FANCI: variants seen among roughly 807,000 people sequenced by gnomAD.
The protein encoded by FANCI is FA complementation group I, also known as Fanconi anemia group I protein.
A neutral mutation model predicts 176.1 loss-of-function variants in FANCI; 156 were observed. The ratio of observed to expected loss-of-function variants is 0.89; its 90% CI spans 0.78 to 1.01. FANCI has a LOEUF of 1.01. Among genes scored for constraint, FANCI ranks in the 50% least tolerant of loss-of-function variants. FANCI has a pLI of 0.00. For missense variants in FANCI, 1,678 were observed against 1,534.1 expected (o/e 1.09, Z -1.57); for synonymous variants, 613 against 541.7 (o/e 1.13, Z -1.83).
chr15:89,300,329 G>C lies in FANCI; in HGVS notation c.2833G>C (p.Glu945Gln), dbSNP rs142322239. ...DVTDKEGEER[E>Q]DADVSVTQRT... ...CACAGATAAGGAAGGAGAAGAGAGAGAAGATGCAGATGTCAGTGTCACTCA... is the reference window on the plus strand; with the variant it reads ...CACAGATAAGGAAGGAGAAGAGAGACAAGATGCAGATGTCAGTGTCACTCA... The change falls in exon 26 of 38, where the codon GAA becomes CAA. Residue 945 changes from glutamate to glutamine, a missense_variant. Around this residue, in one of 3 missense-constraint regions of FANCI, gnomAD observed 1,204 missense variants for 1,077.4 expected, o/e 1.12. Transcript: ENST00000310775. 115 of 1,613,994 alleles carry C rather than the reference G, an allele frequency of 7.1e-5. No homozygotes were observed. Among genetic ancestry groups the C allele is most frequent in the Non-Finnish European group, 8.8e-5 (104 of 1,179,898 alleles).
At chr15:89,304,719 A>C (rs1352704536) in intron 28 of FANCI, among the ~76,000 whole-genome samples, 1 of 149,408 alleles carries the variant, frequency 6.7e-6, no homozygotes, top group Non-Finnish European at 1.5e-5. Flanking sequence ...CTGGTTAGGC[A>C]CTCCACCCCA....
rs79223348 is a variant in FANCI at position 89,303,799 on chromosome 15, G to A, written c.3007-65G>A. On this transcript the variant is annotated intron_variant, in intron 27 of 37. Coordinates refer to ENST00000310775, the MANE Select transcript of FANCI (RefSeq NM_001113378.2). ...ATATGGAAAGGTCTAGAACTCTTCTGTTCTGACAACACCTAGGTCTATCTC... is the reference window on the plus strand; with the variant it reads ...ATATGGAAAGGTCTAGAACTCTTCTATTCTGACAACACCTAGGTCTATCTC... 6,745 of 1,440,086 alleles carry A rather than the reference G, an allele frequency of 4.7e-3. 226 individuals are homozygous for A. The African/African-American group carries it at 0.072, about 15-fold the overall frequency. The allele number at this position is 1,440,086 out of a possible 1,614,324, so 89.2% of individuals were successfully genotyped here.
intron 18 of FANCI, among the ~76,000 whole-genome samples, chr15:89,289,485 AG>A (rs2053973422): frequency 6.6e-6 from 1 of 151,430 alleles, no homozygotes; most frequent in Non-Finnish European, 1.5e-5. Flanking sequence ...TTATATTTTT[AG>A]TAGAGATGGG....
chr15:89,268,393 T>C lies in FANCI; in HGVS notation c.756-6T>C, dbSNP rs769927244. ...ATAGCTCATAACTTTCTGTTGAATC[T>C]TTTAGGCTATTGGATGTTGTCACTG... On this transcript the variant is annotated splice_region_variant and splice_polypyrimidine_tract_variant and intron_variant, in intron 9 of 37. Transcript: ENST00000310775. 4 of 1,614,084 alleles carry C rather than the reference T, an allele frequency of 2.5e-6. No individual in the cohort carries two copies. In the Admixed American group the frequency reaches 6.7e-5, roughly 27 times the overall value.
chr15:89,245,753 A>C (rs146256244), intron 1 of FANCI: 1 of 152,342 alleles, frequency 6.6e-6, no homozygotes, highest in Non-Finnish European at 1.5e-5. Context: ...ATCCTTACTT[A>C]AGGGTTTTGG....
At position 89,276,716 on chromosome 15, in the gene FANCI, A is replaced by G. The variant is rs1299992454; in HGVS notation, c.1118A>G (p.His373Arg). Reference sequence around the variant, plus strand: ...TAAGCTTTGTGTTCTTGTAGCGTTCATAGCTGGGACCATGTTACTCAGGGC... The same window carrying G: ...TAAGCTTTGTGTTCTTGTAGCGTTCGTAGCTGGGACCATGTTACTCAGGGC... Reference protein sequence around the residue: ...MILEVVKNSVHSWDHVTQGLV... With the variant: ...MILEVVKNSVRSWDHVTQGLV... Residue 373 changes from histidine to arginine, a missense_variant, in exon 13 of 38, where the codon CAT (histidine) becomes CGT (arginine). Coordinates refer to ENST00000310775, the MANE Select transcript of FANCI (RefSeq NM_001113378.2). 8 of 1,614,206 alleles carry G rather than the reference A, an allele frequency of 5.0e-6. No individual in the cohort carries two copies. Among genetic ancestry groups the G allele is most frequent in the East Asian group, 2.2e-5 (1 of 44,874 alleles).
rs114549781 is a variant in FANCI at position 89,315,330 on chromosome 15, A to G, written c.3865A>G (p.Ile1289Val). 456 of 1,614,050 alleles carry G rather than the reference A, an allele frequency of 2.8e-4. 1 individual carries two copies. The African/African-American group carries it at 4.5e-3, about 16-fold the overall frequency. The change falls in exon 37 of 38, where the codon ATC becomes GTC. Residue 1289 changes from isoleucine (I) to valine (V), a missense_variant. By Grantham distance (29) the Ile-to-Val change is conservative. Transcript: ENST00000310775. ...MKLSTSRDFK[I>V]KGNILDMVLR... ...GCTCAGCACCTCACGAGACTTCAAG[A>G]TCAAAGGAAACATCCTAGACATGGT...
At position 89,306,115 on chromosome 15, in the gene FANCI, T is replaced by C. The variant is rs2151924192; in HGVS notation, c.3458T>C (p.Leu1153Pro). ...TFFHELVQTA[L>P]PSGSCVDTLL... is the part of the protein sequence containing the mutation. ...TTCCACGAGCTGGTGCAGACAGCTC[T>C]GCCATCAGGCAGCTGTGTGGACACC... Residue 1153 changes from leucine (L) to proline (P), a missense_variant, in exon 32 of 38, where the codon CTG becomes CCG. Transcript: ENST00000310775. 1 of 1,614,156 alleles carries C rather than the reference T, an allele frequency of 6.2e-7. No individual in the cohort carries two copies. The highest frequency in any genetic ancestry group is 1.3e-5 in the African/African-American group (1 of 75,046).
intron 20 of FANCI, among the ~76,000 whole-genome samples, chr15:89,292,018 G>T (rs1379736147): frequency 6.6e-6 from 1 of 152,186 alleles, no homozygotes; most frequent in Non-Finnish European, 1.5e-5. Flanking sequence ...GGAGAGGGAT[G>T]ATGTCACCTA....
rs2054710241 is a variant in FANCI at position 89,306,190 on chromosome 15, G to C, written c.3533G>C (p.Arg1178Thr). 6.2e-7 allele frequency: 1 copy of C among 1,614,074 alleles called. No homozygotes were observed. Residue 1178 changes from arginine to threonine, a missense_variant, in exon 32 of 38, where the codon AGA becomes ACA. By Grantham distance (71) the Arg-to-Thr change is moderately conservative (BLOSUM62 -1). This residue lies in a region of FANCI where 1,204 missense variants were observed against 1,077.4 expected (regional missense o/e 1.12). Transcript: ENST00000310775. ...TACACCACACTTACAGCCCTTGTCAGATATGTGAGTATTTGAGACAAGCAG... is the reference window on the plus strand; with the variant it reads ...TACACCACACTTACAGCCCTTGTCACATATGTGAGTATTTGAGACAAGCAG... The part of the protein sequence containing the change: ...KMYTTLTALV[R>T]YYLQVCQSSG...
chr15:89,283,388 CTGATGATGATGA>C (rs539373037), intron 17 of FANCI, 138 bp downstream of exon 17: 215 of 1,308,348 alleles, frequency 1.6e-4, no homozygotes, highest in Non-Finnish European at 2.2e-4. Flanking sequence ...GATGATGGTG[CTGATGATGATGA>C]TGATGATGAT....
In FANCI at chr15:89,316,549, G is replaced by A. The variant is rs528800761; in HGVS notation, c.*90G>A. ...TGCCCCTTGTCCTGTAGTCCACACC[G>A]ATGTTGGCATCTTGGTTCTGAACCC... On this transcript the variant is annotated 3_prime_UTR_variant, in exon 38 of 38. Coordinates refer to ENST00000310775, the MANE Select transcript of FANCI (RefSeq NM_001113378.2). 222 of 1,350,732 alleles carry A rather than the reference G, an allele frequency of 1.6e-4. 3 individuals are homozygous for A. Among genetic ancestry groups the A allele is most frequent in the South Asian group, 1.4e-3 (114 of 81,056 alleles). 83.7% of individuals were successfully genotyped at this position (1,350,732 alleles called of 1,614,324 possible).
intron 10 of FANCI, among the ~76,000 whole-genome samples, chr15:89,272,538 G>T (rs553869631): frequency 6.6e-6 from 1 of 152,006 alleles, no homozygotes; most frequent in East Asian, 1.9e-4. Context: ...TTTTGGTATT[G>T]TATGTAAGCA....
Position 89,258,706 on chromosome 15 carries a change from G to C in FANCI, c.87G>C (p.Leu29Phe). The C allele has an allele frequency of 6.2e-7, 1 of 1,612,832 alleles. No homozygotes were observed. The highest frequency in any genetic ancestry group is 8.5e-7 in the Non-Finnish European group (1 of 1,178,966). ...EFLQTLREGDLTNLLQNQAVK... is the reference protein window; with the variant it reads ...EFLQTLREGDFTNLLQNQAVK... ...TGTACCTTTTTCTTTCTTTGCAGTT[G>C]ACTAATCTCCTTCAGAATCAAGCAG... Residue 29 changes from leucine to phenylalanine, a missense_variant and splice_region_variant, in exon 3 of 38, where the codon TTG becomes TTC. Transcript: ENST00000310775.
intron 35 of FANCI, among the ~76,000 whole-genome samples, chr15:89,314,121 ACACACACAAAAACGTAGGAC>A (rs922080441): frequency 3.3e-5 from 5 of 149,706 alleles, no homozygotes; most frequent in Admixed American, 1.3e-4. Flanking sequence ...GAGGAAAGAC[ACACACACAAAAACGTAGGAC>A]CACACACAAA....
At chr15:89,263,674 A>G (rs2052815481) in intron 7 of FANCI, among the ~76,000 whole-genome samples, 1 of 152,198 alleles carries the variant, frequency 6.6e-6, no homozygotes, top group Non-Finnish European at 1.5e-5. Context: ...TTTTTTTATA[A>G]GAATGACTTT....
rs377145940 is a variant in FANCI, at chr15:89,257,073, A to AT, written c.85-1625dup. Among the ~76,000 whole-genome samples, 571 of 151,998 alleles carry AT rather than the reference A, an allele frequency of 3.8e-3. 2 individuals carry two copies. Among genetic ancestry groups the AT allele is most frequent in the Non-Finnish European group, 7.0e-3 (473 of 67,942 alleles). The stretch of plus-strand genomic sequence containing the variant: ...AGGTGCCCGCCACCACGCCCGGCTA[A>AT]TTTTTTGTATTTTTAGTAGAGACGG... On this transcript the variant is annotated intron_variant, in intron 2 of 37. Coordinates refer to ENST00000310775, the MANE Select transcript of FANCI (RefSeq NM_001113378.2).
At chr15:89,285,014 G>T (rs569579439) in intron 17 of FANCI, 82 bp from the exon 18 acceptor site, 1 of 1,595,610 alleles carries the variant, frequency 6.3e-7, no homozygotes, top group Non-Finnish European at 8.6e-7. Context: ...AAGTTTTTTC[G>T]ACCAAGAACA....
intron 12 of FANCI, among the ~76,000 whole-genome samples, chr15:89,274,794 A>T (rs1417403541): frequency 2.0e-5 from 3 of 151,870 alleles, no homozygotes; most frequent in African/African-American, 7.2e-5. Flanking sequence ...TTGTAGAGAC[A>T]GAGTTTCGCC....
Sources: allele counts gnomAD v4.1 joint callset (sites outside exome capture counted in the v4.1 genomes callset), GRCh38; gene constraint gnomAD v4.1.1; regional missense constraint gnomAD v4.1.1; transcripts MANE v1.5; gene names NCBI Gene and HGNC (gene_info 2026-07-23, HGNC 2026-07-21).